The following CSMD1 variants were observed in gnomAD, a reference collection of about 807,000 sequenced individuals.
The protein encoded by CSMD1 is CUB and Sushi multiple domains 1.
In CSMD1, 213 loss-of-function variants were observed where a neutral mutation model predicts 417.5. The ratio of observed to expected loss-of-function variants is 0.51; its 90% CI spans 0.46 to 0.57. The LOEUF is 0.57. CSMD1 is among the 20% of genes least tolerant of loss of function. The probability of loss-of-function intolerance (pLI) is 0.00; values close to 1 mark genes in which losing one functional copy is unlikely to be tolerated. For synonymous variants in CSMD1, 2,862 were observed against 1,736.8 expected, an observed-to-expected ratio of 1.65 and a Z score of -16.11; for missense variants, 6,923 against 4,529.7, an observed-to-expected ratio of 1.53 and a Z score of -15.17.
rs541040839 is a variant in CSMD1, at chr8:3,390,245, C to A, written c.2594-2563G>T. ...TGGTGGGCACCTGGAATCCCAGCTA[C>A]TTGGGAGGCTGAGTCAGGAGAAACG... On this transcript the variant is annotated intron_variant, in intron 17 of 69. Coordinates refer to ENST00000635120, the MANE Select transcript of CSMD1 (RefSeq NM_033225.6). 5.4e-5 allele frequency among the ~76,000 whole-genome samples: 8 copies of A among 147,384 alleles called. No homozygotes were observed. The East Asian group carries it at 1.4e-3, about 27-fold the overall frequency.
At chr8:3,373,247 A>C (rs896084106) in intron 18 of CSMD1, 1 of 152,130 alleles carries the variant, frequency 6.6e-6, no homozygotes, top group East Asian at 1.9e-4. Context: ...TTGGGGAAAA[A>C]TCTGGGAGGG....
intron 1 of CSMD1, among the ~76,000 whole-genome samples, chr8:4,761,198 G>A (rs1261268378): frequency 6.6e-6 from 1 of 152,126 alleles, no homozygotes; most frequent in South Asian, 2.1e-4. Context: ...CTGAAGGTTG[G>A]TGTCTACCAG....
In CSMD1 at chr8:4,866,500, A is replaced by G. The variant is rs1802428044; in HGVS notation, c.85+127832T>C. On this transcript the variant is annotated intron_variant, in intron 1 of 69. Coordinates refer to ENST00000635120, the MANE Select transcript of CSMD1 (RefSeq NM_033225.6). ...TGCATTTTAGCATCTACTTTATGCT[A>G]GGTACTTTTAATCCCCACAACATAA... Among the ~76,000 whole-genome samples, 2 of 151,894 alleles carry G rather than the reference A, an allele frequency of 1.3e-5. 1 individual carries two copies. The highest frequency in any genetic ancestry group is 1.3e-4 in the Admixed American group (2 of 15,248).
At chr8:4,601,675 CT>C (rs1800592771) in intron 2 of CSMD1, among the ~76,000 whole-genome samples, 2 of 152,146 alleles carry the variant, frequency 1.3e-5, no homozygotes, top group Admixed American at 6.5e-5. Context: ...CTCCATACCC[CT>C]CATCATGCAA....
intron 2 of CSMD1, among the ~76,000 whole-genome samples, chr8:4,448,752 TA>T (rs1563185699): frequency 6.6e-6 from 1 of 152,198 alleles, no homozygotes; most frequent in Non-Finnish European, 1.5e-5. Flanking sequence ...CTGAATGACA[TA>T]ATGACAACCA....
At chr8:4,288,827 C>G (rs748072254) in intron 3 of CSMD1, among the ~76,000 whole-genome samples, 25 of 152,248 alleles carry the variant, frequency 1.6e-4, no homozygotes, top group Non-Finnish European at 2.5e-4. Context: ...CCCATTACGT[C>G]AGTAAAGCAC....
At chr8:4,622,804 C>G (rs1166302439) in intron 2 of CSMD1, among the ~76,000 whole-genome samples, 1 of 152,074 alleles carries the variant, frequency 6.6e-6, no homozygotes, top group Non-Finnish European at 1.5e-5. Context: ...GAAGAAGGCA[C>G]AAAAGGGAAA....
At chr8:4,680,058 A>G (rs1805941364) in intron 1 of CSMD1, among the ~76,000 whole-genome samples, 3 of 152,194 alleles carry the variant, frequency 2.0e-5, no homozygotes, top group Non-Finnish European at 2.9e-5. Flanking sequence ...ATGTGAATAA[A>G]ACAATATGAC....
At chr8:4,276,792 G>C (rs543151777) in intron 3 of CSMD1, among the ~76,000 whole-genome samples, 19 of 152,168 alleles carry the variant, frequency 1.2e-4, no homozygotes, top group South Asian at 2.1e-4. Context: ...AAGAAAAATA[G>C]AACAGTGGTT....
intron 2 of CSMD1, among the ~76,000 whole-genome samples, chr8:4,452,249 C>G (rs920522938): frequency 3.3e-5 from 5 of 152,150 alleles, no homozygotes. Context: ...CCAAACTGAA[C>G]GCCTCAGCTC....
Position 3,328,067 on chromosome 8 carries a change from G to A in CSMD1, c.3631+15227C>T, listed in dbSNP as rs148783701. 5.8e-4 allele frequency among the ~76,000 whole-genome samples: 88 copies of A among 152,222 alleles called. 1 individual carries two copies. The East Asian group carries it at 0.014, about 23-fold the overall frequency. On this transcript the variant is annotated intron_variant, in intron 23 of 69. Transcript: ENST00000635120. ...CCGTCTAAAGCAGGTAAAGCCATCC[G>A]CTTTCTGAGACTCACAATGAGGGCA...
chr8:4,473,708 G>T (rs376596263), intron 2 of CSMD1, among the ~76,000 whole-genome samples: 2 of 152,278 alleles, frequency 1.3e-5, no homozygotes, highest in East Asian at 3.9e-4. Flanking sequence ...TGTAAGGTAT[G>T]CAGGAATGTG....
intron 57 of CSMD1, among the ~76,000 whole-genome samples, chr8:2,971,730 G>A (rs1308960413): frequency 6.6e-6 from 1 of 152,120 alleles, no homozygotes; most frequent in African/African-American, 2.4e-5. Context: ...GAAAACATTT[G>A]CATTTGATTA....
At chr8:4,405,700 T>G in intron 3 of CSMD1, among the ~76,000 whole-genome samples, 1 of 152,220 alleles carries the variant, frequency 6.6e-6, no homozygotes, top group East Asian at 1.9e-4. Context: ...AAACAGGATG[T>G]GTCTATTGCT....
chr8:3,304,039 C>T (rs1254914617), intron 25 of CSMD1, among the ~76,000 whole-genome samples: 1 of 152,090 alleles, frequency 6.6e-6, no homozygotes, highest in Non-Finnish European at 1.5e-5. Context: ...TCAATGAAAT[C>T]AATGTAGCTC....
chr8:4,401,854 T>A (rs1421359437), intron 3 of CSMD1, among the ~76,000 whole-genome samples: 4 of 151,990 alleles, frequency 2.6e-5, no homozygotes, highest in Non-Finnish European at 5.9e-5. Context: ...TTCCTGACTT[T>A]CCCCCCAAAT....
At chr8:3,063,041 C>T (rs530336873) in intron 49 of CSMD1, among the ~76,000 whole-genome samples, 1 of 152,094 alleles carries the variant, frequency 6.6e-6, no homozygotes, top group Non-Finnish European at 1.5e-5. Flanking sequence ...GATTCGGATG[C>T]CAACCACCAA....
At chr8:3,709,114 G>C (rs1801345491) in intron 6 of CSMD1, among the ~76,000 whole-genome samples, 1 of 150,894 alleles carries the variant, frequency 6.6e-6, no homozygotes, top group Non-Finnish European at 1.5e-5. Context: ...TATGTTTCTT[G>C]ATGTACTACG....
At chr8:4,795,492 G>A (rs951207644) in intron 1 of CSMD1, among the ~76,000 whole-genome samples, 2 of 151,496 alleles carry the variant, frequency 1.3e-5, no homozygotes, top group Non-Finnish European at 2.9e-5. Context: ...GGATGGTCTC[G>A]ATATCCTGAC....
Sources: gnomAD v4.1 joint callset for allele counts (sites outside exome capture counted in the v4.1 genomes callset) on GRCh38, gnomAD v4.1.1 for gene constraint, MANE v1.5 for transcripts, NCBI Gene and HGNC (gene_info 2026-07-23, HGNC 2026-07-21) for gene names.